The following FAM167A variants were observed in gnomAD, a reference collection of about 807,000 sequenced individuals.
FAM167A encodes protein FAM167A.
In FAM167A, 23 loss-of-function variants were observed where a neutral mutation model predicts 14.9. The observed-to-expected ratio is 1.55, with a 90% CI of 1.11 to 2.19. The LOEUF is 2.19. FAM167A is among the 30% of genes most tolerant of loss of function. FAM167A has a pLI of 0.00. For missense variants in FAM167A, 401 were observed against 281.5 expected, an observed-to-expected ratio of 1.42 and a Z score of -3.04; for synonymous variants, 174 against 117.7, an observed-to-expected ratio of 1.48 and a Z score of -3.10.
chr8:11,424,134 G>A lies in FAM167A; in HGVS notation c.*239C>T, dbSNP rs1004756231. The A allele has an allele frequency of 3.0e-5, 16 of 531,032 alleles. No homozygotes were observed. Among genetic ancestry groups the A allele is most frequent in the South Asian group, 4.9e-5 (2 of 40,530 alleles). The allele number at this position is 531,032 out of a possible 1,614,324, so 32.9% of individuals were successfully genotyped here. ...TCTCCTTTAACATCTTGGTTGGAGC[G>A]GCCCTTCTGCAGAGCTCTTTGGGTA... On this transcript the variant is annotated 3_prime_UTR_variant, in exon 3 of 3. Coordinates refer to ENST00000284486, the MANE Select transcript of FAM167A (RefSeq NM_053279.3).
intron 1 of FAM167A, among the ~76,000 whole-genome samples, chr8:11,458,750 A>G (rs1448306123): frequency 6.6e-6 from 1 of 152,168 alleles, no homozygotes; most frequent in African/African-American, 2.4e-5. Flanking sequence ...GTCTGTAGTA[A>G]AAAGGGAATA....
At chr8:11,452,463 G>A (rs1807065131) in intron 1 of FAM167A, among the ~76,000 whole-genome samples, 1 of 152,186 alleles carries the variant, frequency 6.6e-6, no homozygotes, top group Non-Finnish European at 1.5e-5. Context: ...TTTCAGGACT[G>A]TGACAGTCCC....
chr8:11,441,006 G>A (rs1002659501), intron 2 of FAM167A, among the ~76,000 whole-genome samples: 1 of 151,504 alleles, frequency 6.6e-6, no homozygotes, highest in Non-Finnish European at 1.5e-5. Context: ...CCAATCAAAG[G>A]GTTTTTGCAA....
chr8:11,451,131 G>A (rs1225821366), intron 1 of FAM167A, among the ~76,000 whole-genome samples: 3 of 152,224 alleles, frequency 2.0e-5, no homozygotes, highest in East Asian at 1.9e-4. Context: ...GGCGTGGGGA[G>A]ACACAGGATG....
At chr8:11,433,111 G>A (rs140668212) in intron 2 of FAM167A, among the ~76,000 whole-genome samples, 2,643 of 152,170 alleles carry the variant, frequency 0.017, 34 homozygotes, top group South Asian at 0.065. Context: ...TGTAGGTGAC[G>A]GGTTGTTGGG....
At chr8:11,460,780 G>C (rs776257492) in intron 1 of FAM167A, among the ~76,000 whole-genome samples, 1 of 152,098 alleles carries the variant, frequency 6.6e-6, no homozygotes, top group Non-Finnish European at 1.5e-5. Flanking sequence ...AGTGGCGCTG[G>C]CTGCGCTTGC....
intron 1 of FAM167A, among the ~76,000 whole-genome samples, chr8:11,474,160 C>T (rs1797797021): frequency 6.6e-6 from 1 of 152,240 alleles, no homozygotes; most frequent in Non-Finnish European, 1.5e-5. Context: ...CAGGCACGAG[C>T]CACCGTGCCC....
At chr8:11,460,204 C>A (rs1410810355) in intron 1 of FAM167A, among the ~76,000 whole-genome samples, 1 of 152,256 alleles carries the variant, frequency 6.6e-6, no homozygotes, top group African/African-American at 2.4e-5. Flanking sequence ...GTAGATTGCC[C>A]TAACACTCCG....
rs753247046 is a variant in FAM167A, at chr8:11,434,933, G to T, written c.381+9098C>A. ...GATGTGACTGCTGCTGGCTGGGTGA[G>T]GACAGGCCCAGAGGACAGCATCACT... On this transcript the variant is annotated intron_variant, in intron 2 of 2. Coordinates refer to ENST00000284486, the MANE Select transcript of FAM167A (RefSeq NM_053279.3). The T allele has an allele frequency of 9.3e-6, 4 of 427,998 alleles. No homozygotes were observed. In the East Asian group the frequency reaches 2.8e-4, roughly 30 times the overall value. The allele number at this position is 427,998 out of a possible 1,614,324, so 26.5% of individuals were successfully genotyped here.
intron 2 of FAM167A, among the ~76,000 whole-genome samples, chr8:11,437,676 G>A (rs962828929): frequency 2.0e-5 from 3 of 147,534 alleles, no homozygotes; most frequent in African/African-American, 8.1e-5. Flanking sequence ...ATGGAGGGCT[G>A]GGAGGGATCT....
At chr8:11,454,166 C>A (rs918083087) in intron 1 of FAM167A, among the ~76,000 whole-genome samples, 1 of 152,230 alleles carries the variant, frequency 6.6e-6, no homozygotes, top group Non-Finnish European at 1.5e-5. Context: ...ACCTTCTTGA[C>A]CCCGACACCG....
chr8:11,429,639 T>C (rs10099562), intron 2 of FAM167A, among the ~76,000 whole-genome samples: 15,867 of 152,280 alleles, frequency 0.1, 950 homozygotes, highest in African/African-American at 0.17. Context: ...GCCTATGGCA[T>C]CTGGACCACA....
At chr8:11,453,376 T>G (rs982228931) in intron 1 of FAM167A, among the ~76,000 whole-genome samples, 1 of 152,206 alleles carries the variant, frequency 6.6e-6, no homozygotes, top group Admixed American at 6.5e-5. Flanking sequence ...GCTGCTAATA[T>G]GTATGAAGCA....
At chr8:11,454,332 C>CAGCA (rs1807145748) in intron 1 of FAM167A, among the ~76,000 whole-genome samples, 2 of 152,242 alleles carry the variant, frequency 1.3e-5, no homozygotes, top group African/African-American at 2.4e-5. Flanking sequence ...CGTGGCTTCA[C>CAGCA]TCAAGGACAG....
intron 2 of FAM167A, among the ~76,000 whole-genome samples, chr8:11,442,159 AC>A (rs1461227350): frequency 6.6e-6 from 1 of 152,016 alleles, no homozygotes; most frequent in Admixed American, 6.6e-5. Flanking sequence ...GTTGTGCCTC[AC>A]CCTGGGCCAC....
upstream of FAM167A, chr8:11,466,910 T>A (rs1259636324): frequency 6.6e-6 from 1 of 152,276 alleles, no homozygotes; most frequent in African/African-American, 2.4e-5. Context: ...CCTAGCGCCC[T>A]GTCGGTTCAC....
At chr8:11,456,904 G>A (rs1447573237) in intron 1 of FAM167A, among the ~76,000 whole-genome samples, 3 of 142,300 alleles carry the variant, frequency 2.1e-5, no homozygotes, top group Non-Finnish European at 4.6e-5. Flanking sequence ...TGGGGGGATT[G>A]GGTTCGGGAA....
Position 11,422,548 on chromosome 8 carries a change from G to GAGC in FAM167A, c.*1822_*1824dup. On this transcript the variant is annotated 3_prime_UTR_variant, in exon 3 of 3. Transcript: ENST00000284486. ...TCAGGCCTGCAGACTTCATTGCACAGAGCATGGCAGACAGTAGATCTTGGC... is the reference window on the plus strand; with the variant it reads ...TCAGGCCTGCAGACTTCATTGCACAGAGCAGCATGGCAGACAGTAGATCTTGGC... 6.6e-6 allele frequency: 1 copy of GAGC among 152,670 alleles called. No individual in the cohort carries two copies. Among genetic ancestry groups the GAGC allele is most frequent in the East Asian group, 1.9e-4 (1 of 5,204 alleles). The allele number at this position is 152,670 out of a possible 1,614,324, so 9.5% of individuals were successfully genotyped here. A position where few individuals can be genotyped will look rare whatever the true frequency, so the allele number is the denominator to read the frequency against.
chr8:11,456,835 G>T (rs35458448), intron 1 of FAM167A, among the ~76,000 whole-genome samples: 40,790 of 140,760 alleles, frequency 0.29, 6,319 homozygotes, highest in East Asian at 0.54. Flanking sequence ...GGTGGGGCTG[G>T]GTTAGGGAAG....
Sources: allele counts gnomAD v4.1 joint callset (sites outside exome capture counted in the v4.1 genomes callset), GRCh38; gene constraint gnomAD v4.1.1; transcripts MANE v1.5; gene names NCBI Gene and HGNC (gene_info 2026-07-23, HGNC 2026-07-21).